NRCAM: variants seen among roughly 807,000 people sequenced by gnomAD.
The protein encoded by NRCAM is neuronal cell adhesion molecule, also known as NgCAM-related cell adhesion molecule.
In NRCAM, 83 loss-of-function variants were observed where a neutral mutation model predicts 156.5. The ratio of observed to expected loss-of-function variants is 0.53; its 90% CI spans 0.44 to 0.64. The LOEUF is 0.64. Among genes scored for constraint, NRCAM ranks in the 30% least tolerant of loss-of-function variants. The pLI is 0.00. For synonymous variants in NRCAM, 538 were observed against 563.9 expected (o/e 0.95, Z 0.65); for missense variants, 1,417 against 1,597.3 (o/e 0.89, Z 1.92).
intron 1 of NRCAM, among the ~76,000 whole-genome samples, chr7:108,447,565 C>T (rs750621640): frequency 2.0e-5 from 3 of 152,028 alleles, no homozygotes; most frequent in Non-Finnish European, 4.4e-5. Context: ...CCACTGCGCC[C>T]GACCAAGTTC....
At chr7:108,437,083 C>T (rs900582927) in intron 1 of NRCAM, among the ~76,000 whole-genome samples, 2 of 152,104 alleles carry the variant, frequency 1.3e-5, no homozygotes, top group Non-Finnish European at 2.9e-5. Flanking sequence ...TACTATTCAA[C>T]CATAAAAAAG....
At chr7:108,444,326 A>G (rs1842086035) in intron 1 of NRCAM, among the ~76,000 whole-genome samples, 2 of 152,052 alleles carry the variant, frequency 1.3e-5, no homozygotes, top group South Asian at 4.1e-4. Context: ...GGATGACTCT[A>G]TAGACATAGC....
At chr7:108,213,331 T>C (rs1395230047) in intron 11 of NRCAM, among the ~76,000 whole-genome samples, 2 of 151,902 alleles carry the variant, frequency 1.3e-5, no homozygotes, top group African/African-American at 2.4e-5. Context: ...AAAACAAAAA[T>C]ATAATTCAAA....
Position 108,189,810 on chromosome 7 carries a change from G to A in NRCAM, c.1934-64C>T, listed in dbSNP as rs529510933. ...ATCTTTAAGAGGCTCTCCTTTACTC[G>A]TGATACTATTCACAGAGGGGACATC... On this transcript the variant is annotated intron_variant, in intron 19 of 32. Transcript: ENST00000379028. 7.6e-5 allele frequency: 54 copies of A among 705,894 alleles called. No homozygotes were observed. In the African/African-American group the frequency reaches 9.4e-4, roughly 12 times the overall value. 43.7% of individuals were successfully genotyped at this position (705,894 alleles called of 1,614,324 possible). A position where few individuals can be genotyped will look rare whatever the true frequency, so the allele number is the denominator to read the frequency against.
In NRCAM at chr7:108,172,828, T is replaced by G. The variant is rs555758207; in HGVS notation, c.3187+2494A>C. 3.0e-4 allele frequency among the ~76,000 whole-genome samples: 45 copies of G among 152,314 alleles called. No homozygotes were observed. In the South Asian group the frequency reaches 9.1e-3, roughly 31 times the overall value. ...TTTATAATCCTTTTGTAATTATACA[T>G]TTGAAAACTTAGGTTTCATTAACAT... On this transcript the variant is annotated intron_variant, in intron 28 of 32. Coordinates refer to ENST00000379028, the MANE Select transcript of NRCAM (RefSeq NM_001037132.4).
At position 108,201,224 on chromosome 7, in the gene NRCAM, A is replaced by T. The variant is rs113265219; in HGVS notation, c.1208-3125T>A. 4.7e-3 allele frequency among the ~76,000 whole-genome samples: 707 copies of T among 150,974 alleles called. 4 individuals are homozygous for T. The highest frequency in any genetic ancestry group is 0.015 in the African/African-American group (618 of 41,178). On this transcript the variant is annotated intron_variant, in intron 13 of 32. Transcript: ENST00000379028. ...GATTCTTAGCACTTCTGGACCCAGC[A>T]CTTGGGCTCTCAGTGCTGGGACTCT...
intron 2 of NRCAM, among the ~76,000 whole-genome samples, chr7:108,395,417 G>T (rs143327082): frequency 2.0e-5 from 3 of 152,178 alleles, no homozygotes; most frequent in Non-Finnish European, 1.5e-5. Context: ...TAAAGTCTGC[G>T]ATCTCTATGA....
chr7:108,364,960 A>T (rs2099583219), intron 2 of NRCAM, among the ~76,000 whole-genome samples: 1 of 152,202 alleles, frequency 6.6e-6, no homozygotes, highest in South Asian at 2.1e-4. Context: ...GGTGAAATGT[A>T]TCATATGTGA....
At chr7:108,401,725 T>C (rs958546660) in intron 1 of NRCAM, among the ~76,000 whole-genome samples, 5 of 152,198 alleles carry the variant, frequency 3.3e-5, no homozygotes, top group African/African-American at 1.2e-4. Flanking sequence ...GTCTCAAAAA[T>C]GATGGACCTC....
chr7:108,301,358 A>C (rs2098607461), intron 3 of NRCAM, among the ~76,000 whole-genome samples: 1 of 152,234 alleles, frequency 6.6e-6, no homozygotes, highest in Non-Finnish European at 1.5e-5. Flanking sequence ...CAGAAATTAA[A>C]ATAAGTATTA....
intron 1 of NRCAM, among the ~76,000 whole-genome samples, chr7:108,425,882 A>G (rs2300047): frequency 0.045 from 6,791 of 152,310 alleles, 197 homozygotes; most frequent in Non-Finnish European, 0.062. Context: ...GGAAAGCCTC[A>G]GAGACTTCCT....
chr7:108,176,199 C>T (rs2060434755), intron 27 of NRCAM, among the ~76,000 whole-genome samples: 1 of 152,066 alleles, frequency 6.6e-6, no homozygotes, highest in Non-Finnish European at 1.5e-5. Context: ...CTTACTCACT[C>T]CCACACTAAG....
intron 28 of NRCAM, 91 bp downstream of exon 28, chr7:108,175,231 T>C (rs764302157): frequency 1.4e-4 from 135 of 961,612 alleles, no homozygotes; most frequent in Admixed American, 5.9e-4. Context: ...GTTCAAAGCA[T>C]ATTTTCTCTG....
chr7:108,298,907 A>G (rs1269106562), intron 3 of NRCAM, among the ~76,000 whole-genome samples: 1 of 150,506 alleles, frequency 6.6e-6, no homozygotes, highest in Admixed American at 6.7e-5. Context: ...GGAGTTCAAG[A>G]CCAGCCTGGC....
At chr7:108,422,255 T>C (rs1810969081) in intron 1 of NRCAM, among the ~76,000 whole-genome samples, 1 of 152,220 alleles carries the variant, frequency 6.6e-6, no homozygotes, top group Admixed American at 6.5e-5. Flanking sequence ...AAATGCCATG[T>C]TATAGTAGCT....
intron 2 of NRCAM, among the ~76,000 whole-genome samples, chr7:108,373,901 G>A (rs1392296480): frequency 6.6e-6 from 1 of 152,152 alleles, no homozygotes; most frequent in Non-Finnish European, 1.5e-5. Flanking sequence ...GCTAAGCTCA[G>A]ATTTTAAGAC....
intron 3 of NRCAM, among the ~76,000 whole-genome samples, chr7:108,309,194 G>C (rs1355034844): frequency 6.6e-6 from 1 of 152,218 alleles, no homozygotes; most frequent in South Asian, 2.1e-4. Flanking sequence ...TGTTTCAAGA[G>C]ATGTCACTTA....
chr7:108,200,739 C>CACAA (rs2077512799), intron 13 of NRCAM, among the ~76,000 whole-genome samples: 1 of 3,446 alleles, frequency 2.9e-4, no homozygotes, highest in Non-Finnish European at 6.3e-4. Context: ...TAAAGAAATA[C>CACAA]ACACACACAC....
chr7:108,277,939 C>A (rs1233300118), intron 3 of NRCAM, among the ~76,000 whole-genome samples: 2 of 152,124 alleles, frequency 1.3e-5, no homozygotes, highest in African/African-American at 4.8e-5. Flanking sequence ...ATGTCCTTTT[C>A]ATTGATGTTG....
Sources: allele counts gnomAD v4.1 joint callset (sites outside exome capture counted in the v4.1 genomes callset), GRCh38; gene constraint gnomAD v4.1.1; transcripts MANE v1.5; gene names NCBI Gene and HGNC (gene_info 2026-07-23, HGNC 2026-07-21).